Variants in TMEFF1 observed in about 807,000 individuals in gnomAD.
The protein encoded by TMEFF1 is tomoregulin-1.
In TMEFF1, 20 loss-of-function variants were observed where a neutral mutation model predicts 47.5. The ratio of observed to expected loss-of-function variants is 0.42; its 90% confidence interval spans 0.30 to 0.61. TMEFF1 has a LOEUF of 0.61. TMEFF1 is among the 20% of genes least tolerant of loss of function. The probability of loss-of-function intolerance (pLI) is 0.19; values close to 1 mark genes in which losing one functional copy is unlikely to be tolerated. For missense variants in TMEFF1, 411 were observed against 471.1 expected (o/e 0.87, Z 1.18); for synonymous variants, 162 against 166.3 (o/e 0.97, Z 0.20).
intron 4 of TMEFF1, among the ~76,000 whole-genome samples, chr9:100,514,330 G>T (rs1300333250): frequency 6.6e-6 from 1 of 150,784 alleles, no homozygotes; most frequent in Non-Finnish European, 1.5e-5. Flanking sequence ...AAAAAAAAAT[G>T]ATTAAAGCTT....
At chr9:100,498,650 T>TG (rs965691322) in intron 1 of TMEFF1, 115 bp from the exon 2 acceptor site, 40 of 847,912 alleles carry the variant, frequency 4.7e-5, no homozygotes, top group Admixed American at 8.2e-5. Context: ...CACTTCTGAA[T>TG]GGGGGGGCTC....
intron 1 of TMEFF1, among the ~76,000 whole-genome samples, chr9:100,479,653 G>C (rs562454471): frequency 8.5e-5 from 13 of 152,264 alleles, no homozygotes; most frequent in Admixed American, 3.3e-4. Flanking sequence ...CTTTCCCTTA[G>C]CATAATGTTT....
At chr9:100,573,574 A>C (rs1839288262) in intron 9 of TMEFF1, among the ~76,000 whole-genome samples, 1 of 152,134 alleles carries the variant, frequency 6.6e-6, no homozygotes, top group African/African-American at 2.4e-5. Flanking sequence ...TTCAGTTCAG[A>C]AGTCTCATAA....
intron 5 of TMEFF1, among the ~76,000 whole-genome samples, chr9:100,523,529 T>C (rs1838204780): frequency 1.3e-5 from 2 of 152,222 alleles, no homozygotes; most frequent in Admixed American, 6.5e-5. Context: ...GCCTTTATTA[T>C]TCACTTAGAG....
intron 9 of TMEFF1, among the ~76,000 whole-genome samples, chr9:100,575,372 C>T (rs1300382347): frequency 6.6e-6 from 1 of 152,016 alleles, no homozygotes; most frequent in African/African-American, 2.4e-5. Context: ...AACTAAACGC[C>T]CTGATTTTAT....
chr9:100,551,138 C>G (rs1047713801), intron 7 of TMEFF1, among the ~76,000 whole-genome samples: 1 of 152,136 alleles, frequency 6.6e-6, no homozygotes, highest in African/African-American at 2.4e-5. Context: ...TTGGTTGCAC[C>G]ATTAAAAGAT....
In TMEFF1 at chr9:100,547,790, T is replaced by G. The variant is rs745635659; in HGVS notation, c.607T>G (p.Cys203Gly). Residue 203 changes from cysteine to glycine, a missense_variant, in exon 6 of 10, where the codon TGT (cysteine) becomes GGT (glycine). By Grantham distance (159) the Cys-to-Gly change is radical. Transcript: ENST00000374879. ...CAGTGGATACAGTTTTAATCCTGTG[T>G]GTGCTTCTGATGGGAGTTCCTATAA... ...DCSGYSFNPV[C>G]ASDGSSYNNP... 6.2e-7 allele frequency: 1 copy of G among 1,607,964 alleles called. No individual in the cohort carries two copies. Among genetic ancestry groups the G allele is most frequent in the South Asian group, 1.1e-5 (1 of 90,168 alleles).
chr9:100,533,037 A>G (rs1838424303), intron 5 of TMEFF1, among the ~76,000 whole-genome samples: 3 of 141,072 alleles, frequency 2.1e-5, no homozygotes, highest in Admixed American at 7.9e-5. Flanking sequence ...GAATTGAACA[A>G]TGAGATCACA....
intron 2 of TMEFF1, among the ~76,000 whole-genome samples, chr9:100,508,307 C>A (rs1185125420): frequency 2.0e-5 from 3 of 152,106 alleles, no homozygotes. Flanking sequence ...ACATGCAGGT[C>A]CAGTGTCATT....
At chr9:100,531,477 C>G (rs1163149619) in intron 5 of TMEFF1, among the ~76,000 whole-genome samples, 2 of 152,058 alleles carry the variant, frequency 1.3e-5, no homozygotes, top group East Asian at 3.8e-4. Flanking sequence ...TGAGTGAGCT[C>G]CCATTCACAA....
intron 3 of TMEFF1, among the ~76,000 whole-genome samples, chr9:100,512,137 A>C (rs1206371675): frequency 6.6e-6 from 1 of 152,172 alleles, no homozygotes; most frequent in East Asian, 1.9e-4. Context: ...TGTTTTCCTA[A>C]GAAGAGTTTG....
At position 100,474,338 on chromosome 9, in the gene TMEFF1, C is replaced by T. The variant is rs115725035; in HGVS notation, c.196+598C>T. Among the ~76,000 whole-genome samples, 737 of 150,320 alleles carry T rather than the reference C, an allele frequency of 4.9e-3. 6 individuals are homozygous for T. Among genetic ancestry groups the T allele is most frequent in the South Asian group, 0.019 (89 of 4,686 alleles). On this transcript the variant is annotated intron_variant, in intron 1 of 9. Coordinates refer to ENST00000374879, the MANE Select transcript of TMEFF1 (RefSeq NM_003692.5). ...CAGAGTGACTGTGTGTGTGCGCGCG[C>T]GCGCGCGTGTGTGTTCTTTGGGTTC...
At chr9:100,485,454 G>A (rs888331405) in intron 1 of TMEFF1, among the ~76,000 whole-genome samples, 1 of 152,202 alleles carries the variant, frequency 6.6e-6, no homozygotes, top group Non-Finnish European at 1.5e-5. Flanking sequence ...AATGGTTGCA[G>A]CATTTCACAT....
chr9:100,546,317 G>A (rs1208738218), intron 5 of TMEFF1, among the ~76,000 whole-genome samples: 1 of 152,194 alleles, frequency 6.6e-6, no homozygotes, highest in East Asian at 1.9e-4. Context: ...GATGGCAGCA[G>A]GCAAAAAGAG....
chr9:100,496,685 T>C (rs1245571117), intron 1 of TMEFF1, among the ~76,000 whole-genome samples: 1 of 152,248 alleles, frequency 6.6e-6, no homozygotes, highest in Admixed American at 6.5e-5. Flanking sequence ...TGCAATCCAC[T>C]GTACCTGTAA....
At chr9:100,503,050 A>G (rs1395370176) in intron 2 of TMEFF1, among the ~76,000 whole-genome samples, 1 of 152,184 alleles carries the variant, frequency 6.6e-6, no homozygotes, top group Non-Finnish European at 1.5e-5. Context: ...GGGTAGACTT[A>G]GGTTATTGCC....
At chr9:100,506,494 A>G (rs544106221) in intron 2 of TMEFF1, among the ~76,000 whole-genome samples, 2 of 152,252 alleles carry the variant, frequency 1.3e-5, no homozygotes, top group Non-Finnish European at 2.9e-5. Context: ...GGCCAGGCGC[A>G]GTGGCTTACG....
At chr9:100,479,665 C>T (rs1361579200) in intron 1 of TMEFF1, among the ~76,000 whole-genome samples, 4 of 152,204 alleles carry the variant, frequency 2.6e-5, no homozygotes, top group African/African-American at 9.6e-5. Context: ...ATAATGTTTT[C>T]AATGTGCATC....
At chr9:100,554,051 G>A (rs1383882011) in intron 7 of TMEFF1, among the ~76,000 whole-genome samples, 1 of 151,974 alleles carries the variant, frequency 6.6e-6, no homozygotes, top group Non-Finnish European at 1.5e-5. Flanking sequence ...TTATTATTAT[G>A]AAGACATTCT....
Sources: gnomAD v4.1 joint callset for allele counts (sites outside exome capture counted in the v4.1 genomes callset) on GRCh38, gnomAD v4.1.1 for gene constraint, MANE v1.5 for transcripts, NCBI Gene and HGNC (gene_info 2026-07-23, HGNC 2026-07-21) for gene names.